The following MGAT4C variants were observed in gnomAD, a reference collection of about 807,000 sequenced individuals.
MGAT4C encodes the protein MGAT4 family member C.
In MGAT4C, 19 loss-of-function variants were observed where a neutral mutation model predicts 40.1. The observed-to-expected ratio is 0.47, with a 90% CI of 0.33 to 0.70. MGAT4C has a LOEUF of 0.70. Among genes scored for constraint, MGAT4C ranks in the 30% least tolerant of loss-of-function variants. The pLI, the probability that MGAT4C is intolerant of heterozygous loss-of-function variation, is 0.02. For synonymous variants in MGAT4C, 181 were observed against 187.1 expected (o/e 0.97, Z 0.27); for missense variants, 491 against 563.2 (o/e 0.87, Z 1.30).
At chr12:86,402,793 T>C (rs1956393460) in intron 3 of MGAT4C, among the ~76,000 whole-genome samples, 1 of 152,166 alleles carries the variant, frequency 6.6e-6, no homozygotes, top group South Asian at 2.1e-4. Flanking sequence ...TTTCCTCAAG[T>C]ATTTTGAGAA....
At chr12:86,141,726 A>C (rs1336851288) in intron 1 of MGAT4C, among the ~76,000 whole-genome samples, 1 of 152,162 alleles carries the variant, frequency 6.6e-6, no homozygotes, top group Non-Finnish European at 1.5e-5. Flanking sequence ...GTCATAAAGA[A>C]AAAAAAGCTT....
intron 2 of MGAT4C, among the ~76,000 whole-genome samples, chr12:86,716,396 T>A (rs1446682047): frequency 6.6e-6 from 1 of 152,112 alleles, no homozygotes; most frequent in African/African-American, 2.4e-5. Context: ...TTATTCCTTT[T>A]GGTGGTGTTC....
At chr12:86,624,098 T>C (rs143353277) in intron 2 of MGAT4C, among the ~76,000 whole-genome samples, 44 of 152,298 alleles carry the variant, frequency 2.9e-4, no homozygotes, top group Middle Eastern at 3.4e-3. Context: ...TGTTTGGACA[T>C]ATGTCATATA....
At chr12:86,337,370 G>C (rs961662888) in intron 3 of MGAT4C, among the ~76,000 whole-genome samples, 4 of 152,010 alleles carry the variant, frequency 2.6e-5, no homozygotes, top group African/African-American at 9.7e-5. Flanking sequence ...TCCGAGGAAG[G>C]TGGATCGCTT....
intron 1 of MGAT4C, among the ~76,000 whole-genome samples, chr12:86,777,777 C>T (rs902839002): frequency 2.0e-5 from 3 of 152,084 alleles, no homozygotes; most frequent in Admixed American, 6.6e-5. Flanking sequence ...TGTTCAAATG[C>T]TTTCTGCATA....
intron 2 of MGAT4C, among the ~76,000 whole-genome samples, chr12:86,702,608 C>G (rs1950383944): frequency 6.6e-6 from 1 of 152,156 alleles, no homozygotes; most frequent in South Asian, 2.1e-4. Context: ...ACCTGGATAA[C>G]AGCACACCTG....
intron 2 of MGAT4C, among the ~76,000 whole-genome samples, chr12:86,018,377 C>T (rs1490887925): frequency 1.3e-5 from 2 of 152,160 alleles, no homozygotes; most frequent in African/African-American, 2.4e-5. Flanking sequence ...TCAGGGAAAA[C>T]ATGAAAGAAG....
intron 3 of MGAT4C, among the ~76,000 whole-genome samples, chr12:86,425,135 A>C (rs926437199): frequency 2.0e-5 from 3 of 152,162 alleles, no homozygotes; most frequent in African/African-American, 4.8e-5. Context: ...ATAGAATCTG[A>C]GTTCAAGCCT....
chr12:86,057,585 A>G (rs2136990762), intron 1 of MGAT4C, among the ~76,000 whole-genome samples: 1 of 152,300 alleles, frequency 6.6e-6, no homozygotes, highest in South Asian at 2.1e-4. Context: ...TCACCTCTGC[A>G]GGAATGGCTG....
At chr12:86,378,661 C>T (rs1286904421) in intron 3 of MGAT4C, among the ~76,000 whole-genome samples, 2 of 152,136 alleles carry the variant, frequency 1.3e-5, no homozygotes, top group South Asian at 2.1e-4. Flanking sequence ...TTATAGAGAT[C>T]CGAATTCAAT....
At chr12:86,586,777 C>T (rs61950824) in intron 2 of MGAT4C, among the ~76,000 whole-genome samples, 13,809 of 151,448 alleles carry the variant, frequency 0.091, 798 homozygotes, top group Middle Eastern at 0.23. Context: ...TTATATCCTT[C>T]GCCCACTTTT....
intron 4 of MGAT4C, among the ~76,000 whole-genome samples, chr12:86,329,582 T>C (rs1383422278): frequency 6.6e-6 from 1 of 152,192 alleles, no homozygotes; most frequent in East Asian, 1.9e-4. Flanking sequence ...CTCAGTTTTC[T>C]TCAAAGCCTA....
At chr12:86,407,216 G>T (rs939004962) in intron 3 of MGAT4C, among the ~76,000 whole-genome samples, 1 of 152,040 alleles carries the variant, frequency 6.6e-6, no homozygotes, top group Non-Finnish European at 1.5e-5. Flanking sequence ...TGTACCCATG[G>T]TTAATATTTA....
intron 3 of MGAT4C, among the ~76,000 whole-genome samples, chr12:86,339,099 G>T (rs558350606): frequency 6.6e-6 from 1 of 151,908 alleles, no homozygotes; most frequent in South Asian, 2.1e-4. Flanking sequence ...CTATGAAGTT[G>T]GTATTATTGT....
At position 86,415,570 on chromosome 12, in the gene MGAT4C, G is replaced by T. The variant is rs139334401; in HGVS notation, c.-120+19587C>A. Among the ~76,000 whole-genome samples the T allele has an allele frequency of 3.3e-5, 5 of 152,004 alleles. No individual in the cohort carries two copies. In the East Asian group the frequency reaches 9.6e-4, roughly 29 times the overall value. ...AGTTTGAGGATTTATTTTTTCCTAT[G>T]CACAATGGATTCATCATAAATAATT... On this transcript the variant is annotated intron_variant, in intron 3 of 7. Coordinates refer to the MGAT4C transcript ENST00000548651.
rs376885011 is a variant in MGAT4C, at chr12:86,110,306, A to AGAC, written c.-56-60584_-56-60583insGTC. On this transcript the variant is annotated intron_variant, in intron 1 of 4. Transcript: ENST00000611864. The stretch of plus-strand genomic sequence containing the variant: ...CTATATATATATAGTCTCTCTATAT[A>AGAC]TATATATATATAGTCTCTCTCTCTG... Among the ~76,000 whole-genome samples the AGAC allele has an allele frequency of 2.4e-3, 36 of 15,182 alleles. 1 individual carries two copies. The highest frequency in any genetic ancestry group is 7.2e-3 in the South Asian group (2 of 278). 10.0% of individuals were successfully genotyped at this position (15,182 alleles called of 152,430 possible). A position where few individuals can be genotyped will look rare whatever the true frequency, so the allele number is the denominator to read the frequency against.
intron 1 of MGAT4C, among the ~76,000 whole-genome samples, chr12:86,744,573 T>A (rs1951122899): frequency 6.6e-6 from 1 of 151,096 alleles, no homozygotes; most frequent in Non-Finnish European, 1.5e-5. Context: ...CCACTGGTGA[T>A]AAATGCCAGC....
At chr12:86,484,943 C>T (rs1275701282) in intron 2 of MGAT4C, among the ~76,000 whole-genome samples, 1 of 152,084 alleles carries the variant, frequency 6.6e-6, no homozygotes, top group Non-Finnish European at 1.5e-5. Context: ...ATCTTCTGGC[C>T]ATTACTCTTA....
At chr12:86,783,785 A>G (rs1486461491) in intron 1 of MGAT4C, among the ~76,000 whole-genome samples, 1 of 152,132 alleles carries the variant, frequency 6.6e-6, no homozygotes, top group Non-Finnish European at 1.5e-5. Flanking sequence ...ACAATCTCAA[A>G]CAATATATAA....
Sources: allele counts gnomAD v4.1 joint callset (sites outside exome capture counted in the v4.1 genomes callset), GRCh38; gene constraint gnomAD v4.1.1; transcripts MANE v1.5; gene names NCBI Gene and HGNC (gene_info 2026-07-23, HGNC 2026-07-21).